The following PIEZO2 variants were observed in gnomAD, a reference collection of about 807,000 sequenced individuals.
PIEZO2 encodes the protein piezo-type mechanosensitive ion channel component 2.
In PIEZO2, 172 loss-of-function variants were observed where a neutral mutation model predicts 337.3. The ratio of observed to expected loss-of-function variants is 0.51; its 90% CI spans 0.45 to 0.58. PIEZO2 has a LOEUF of 0.58. Ranked by LOEUF, PIEZO2 falls within the 20% of genes least tolerant of loss-of-function variation. The pLI, the probability that PIEZO2 is intolerant of heterozygous loss-of-function variation, is 0.00. For synonymous variants in PIEZO2, 1,251 were observed against 1,228.5 expected (o/e 1.02, Z -0.38); for missense variants, 3,028 against 3,391.3 (o/e 0.89, Z 2.66).
chr18:10,701,888 C>T, intron 43 of PIEZO2, 101 bp downstream of exon 43: 1 of 1,023,388 alleles, frequency 9.8e-7, no homozygotes. Context: ...GCCCCTCAGC[C>T]CCATCACCAA....
chr18:10,830,079 T>A lies in PIEZO2; in HGVS notation c.918-22805A>T, dbSNP rs948913797. On this transcript the variant is annotated intron_variant, in intron 7 of 55. Coordinates refer to ENST00000674853, the MANE Select transcript of PIEZO2 (RefSeq NM_001378183.1). This position sits in a 1 kb window ranked among gnomAD's most constrained non-coding sequence, Gnocchi z 4.7. ...AGCTCTAGTAACCAAAACAGTATGG[T>A]ACTGGCATAAAAACAGACACACAGA... Among the ~76,000 whole-genome samples the A allele has an allele frequency of 6.6e-6, 1 of 152,096 alleles. No individual in the cohort carries two copies. The highest frequency in any genetic ancestry group is 2.4e-5 in the African/African-American group (1 of 41,414).
chr18:10,782,372 TATA>T (rs1353292946), intron 17 of PIEZO2, among the ~76,000 whole-genome samples: 2 of 29,060 alleles, frequency 6.9e-5, no homozygotes, highest in African/African-American at 1.8e-4. Flanking sequence ...TATAAATAAT[TATA>T]ATATATTATA....
intron 3 of PIEZO2, among the ~76,000 whole-genome samples, chr18:10,930,904 A>G (rs1272718889): frequency 6.6e-6 from 1 of 152,196 alleles, no homozygotes; most frequent in Non-Finnish European, 1.5e-5. Context: ...GTTTGTCTAA[A>G]AGCACCATGG....
intron 3 of PIEZO2, among the ~76,000 whole-genome samples, chr18:10,921,885 C>T (rs1453249165): frequency 6.6e-6 from 1 of 152,040 alleles, no homozygotes; most frequent in Non-Finnish European, 1.5e-5. Flanking sequence ...ATGAAATAAA[C>T]CCCAGTCTCC....
rs2038382466 is a variant in PIEZO2 at position 10,766,887 on chromosome 18, T to G, written c.2946+3261A>C. On this transcript the variant is annotated intron_variant, in intron 21 of 55. Coordinates refer to ENST00000674853, the MANE Select transcript of PIEZO2 (RefSeq NM_001378183.1). The surrounding 1 kb of genome is among the most constrained non-coding windows in gnomAD (Gnocchi z 6.1). ...GAGTCCTTAATAAAGGCTCAATGAA[T>G]GCTTAGTGAGAGTGAAAATAATAAC... Among the ~76,000 whole-genome samples the G allele has an allele frequency of 6.6e-6, 1 of 152,160 alleles. No individual in the cohort carries two copies.
Position 10,726,673 on chromosome 18 carries a change from C to T in PIEZO2, c.5029+4734G>A, listed in dbSNP as rs2036558781. 1.4e-6 allele frequency: 2 copies of T among 1,427,020 alleles called. No individual in the cohort carries two copies. Among genetic ancestry groups the T allele is most frequent in the South Asian group, 1.3e-5 (1 of 78,334 alleles). The allele number at this position is 1,427,020 out of a possible 1,614,324, so 88.4% of individuals were successfully genotyped here. A position where few individuals can be genotyped will look rare whatever the true frequency, so the allele number is the denominator to read the frequency against. Reference sequence around the variant, plus strand: ...GCGCGGCCAGACAGACACCTCGCTGCCAAGTTAATTCAGCAAGGACCAGGT... The same window carrying T: ...GCGCGGCCAGACAGACACCTCGCTGTCAAGTTAATTCAGCAAGGACCAGGT... On this transcript the variant is annotated intron_variant, in intron 36 of 55. Transcript: ENST00000674853. This position sits in a 1 kb window ranked among gnomAD's most constrained non-coding sequence, Gnocchi z 5.9.
chr18:10,791,088 A>C, intron 14 of PIEZO2, 113 bp downstream of exon 14: 1 of 1,186,614 alleles, frequency 8.4e-7, no homozygotes, highest in Non-Finnish European at 1.1e-6. Flanking sequence ...TTATTGCTCC[A>C]AGTTTACATT....
intron 1 of PIEZO2, among the ~76,000 whole-genome samples, chr18:11,114,957 G>C (rs561614420): frequency 6.6e-6 from 1 of 152,342 alleles, no homozygotes; most frequent in East Asian, 1.9e-4. Flanking sequence ...TAGGCAAGCA[G>C]TGTTGATATC....
intron 2 of PIEZO2, among the ~76,000 whole-genome samples, chr18:11,014,385 T>C (rs2036012599): frequency 7.1e-6 from 1 of 140,572 alleles, no homozygotes; most frequent in African/African-American, 2.7e-5. Flanking sequence ...CCAGGGCCCC[T>C]CATTCCTCAG....
At chr18:11,067,219 A>T (rs1022541235) in intron 1 of PIEZO2, among the ~76,000 whole-genome samples, 2 of 152,198 alleles carry the variant, frequency 1.3e-5, no homozygotes, top group Non-Finnish European at 2.9e-5. Flanking sequence ...TGATGGTTAC[A>T]CTAAAAGCCC....
intron 2 of PIEZO2, among the ~76,000 whole-genome samples, chr18:11,059,326 T>G (rs1346239834): frequency 6.6e-6 from 1 of 152,168 alleles, no homozygotes. Context: ...AGGCCATCGA[T>G]GCTAGAAAGA....
intron 2 of PIEZO2, among the ~76,000 whole-genome samples, chr18:10,996,169 C>A (rs1460732887): frequency 6.6e-6 from 1 of 152,116 alleles, no homozygotes; most frequent in Non-Finnish European, 1.5e-5. Flanking sequence ...GGAGAAATAT[C>A]TTTTGATTTG....
At chr18:11,087,190 T>C (rs915174439) in intron 1 of PIEZO2, among the ~76,000 whole-genome samples, 19 of 152,322 alleles carry the variant, frequency 1.2e-4, no homozygotes, top group African/African-American at 4.3e-4. Flanking sequence ...CTGAATCGGC[T>C]GGTGTCTATA....
intron 8 of PIEZO2, among the ~76,000 whole-genome samples, chr18:10,806,034 C>G (rs1177196613): frequency 6.6e-6 from 1 of 152,258 alleles, no homozygotes; most frequent in African/African-American, 2.4e-5. Context: ...TTGCTCTATG[C>G]TGGCCCCTAG....
At chr18:11,124,685 C>T (rs2040132289) in intron 1 of PIEZO2, among the ~76,000 whole-genome samples, 1 of 152,078 alleles carries the variant, frequency 6.6e-6, no homozygotes, top group African/African-American at 2.4e-5. Flanking sequence ...GTTCAAGCCC[C>T]AGGATGAGAT....
intron 36 of PIEZO2, among the ~76,000 whole-genome samples, chr18:10,718,991 A>T (rs1230414671): frequency 6.0e-5 from 9 of 149,424 alleles, no homozygotes; most frequent in African/African-American, 2.0e-4. Context: ...ATAAATAAAT[A>T]AATAAATAAA....
In PIEZO2 at chr18:10,724,304, A is replaced by G. The variant is rs1190759403; in HGVS notation, c.5030-6045T>C. 6.6e-6 allele frequency among the ~76,000 whole-genome samples: 1 copy of G among 152,090 alleles called. No homozygotes were observed. The highest frequency in any genetic ancestry group is 2.4e-5 in the African/African-American group (1 of 41,390). ...AGGCCAGGAGTTGGAGGCTGCAATGAGCTATGATCATTGCACTGCACTCCA... is the reference window on the plus strand; with the variant it reads ...AGGCCAGGAGTTGGAGGCTGCAATGGGCTATGATCATTGCACTGCACTCCA... On this transcript the variant is annotated intron_variant, in intron 36 of 55. Coordinates refer to ENST00000674853, the MANE Select transcript of PIEZO2 (RefSeq NM_001378183.1). This position sits in a 1 kb window ranked among gnomAD's most constrained non-coding sequence, Gnocchi z 5.8.
Position 10,773,593 on chromosome 18 carries a change from G to A in PIEZO2, c.2604C>T (p.Thr868=). ...AHPEGSLPDL[T]MMHLTASLEK... ...CCAGGCTGGCAGTCAGATGCATCAT[G>A]GTGAGGTCCGGGAGGCTTCCTTCCG... is the stretch of plus-strand genomic sequence containing the variant. Residue 868 remains threonine (T), a synonymous_variant, in exon 20 of 56, where the codon ACC becomes ACT. Transcript: ENST00000674853. This position sits in a 1 kb window ranked among gnomAD's most constrained non-coding sequence, Gnocchi z 5.3. 6.5e-7 allele frequency: 1 copy of A among 1,537,322 alleles called. No individual in the cohort carries two copies. The highest frequency in any genetic ancestry group is 8.7e-7 in the Non-Finnish European group (1 of 1,146,944).
At chr18:11,060,152 T>G (rs892784721) in intron 2 of PIEZO2, among the ~76,000 whole-genome samples, 1 of 152,196 alleles carries the variant, frequency 6.6e-6, no homozygotes, top group African/African-American at 2.4e-5. Flanking sequence ...TGCTCCTGAA[T>G]GACTACTGGG....
Sources: allele counts gnomAD v4.1 joint callset (sites outside exome capture counted in the v4.1 genomes callset), GRCh38; gene constraint gnomAD v4.1.1; non-coding constraint Gnocchi (gnomAD v3.1); transcripts MANE v1.5; gene names NCBI Gene and HGNC (gene_info 2026-07-23, HGNC 2026-07-21).